Variants in THSD4 observed in about 807,000 individuals in gnomAD.
THSD4 encodes the protein thrombospondin type-1 domain-containing protein 4.
Under a neutral mutation model 119.0 loss-of-function variants are expected in THSD4, and 69 were observed. The observed-to-expected ratio is 0.58, with a 90% confidence interval of 0.48 to 0.71. The LOEUF is 0.71. THSD4 is among the 30% of genes least tolerant of loss of function. The probability of loss-of-function intolerance (pLI) is 0.00; values close to 1 mark genes in which losing one functional copy is unlikely to be tolerated. For missense variants in THSD4, 1,393 were observed against 1,391.1 expected (o/e 1.00, Z -0.02); for synonymous variants, 524 against 540.4 (o/e 0.97, Z 0.42).
chr15:71,777,378 T>A lies in THSD4; in HGVS notation c.*4T>A. ...GGGCTTCCTGGGGAGCAGATAACAC[T>A]CCTGCACCCCCATCAGTAGGGCAGC... is the stretch of plus-strand genomic sequence containing the variant. On this transcript the variant is annotated 3_prime_UTR_variant, in exon 18 of 18. Transcript: ENST00000261862. 13 of 1,612,722 alleles carry A rather than the reference T, an allele frequency of 8.1e-6. No individual in the cohort carries two copies. Among genetic ancestry groups the A allele is most frequent in the Non-Finnish European group, 1.1e-5 (13 of 1,179,682 alleles).
chr15:71,199,636 GGT>G (rs2043760884), intron 3 of THSD4, among the ~76,000 whole-genome samples: 4 of 140,416 alleles, frequency 2.8e-5, no homozygotes, highest in Admixed American at 7.0e-5. Flanking sequence ...TGGTGTGTGT[GGT>G]GTGTGTGTGG....
rs1459779519 is a variant in THSD4, at chr15:71,768,619, C to T, written c.2770-2445C>T. On this transcript the variant is annotated intron_variant, in intron 16 of 17. Transcript: ENST00000261862. Reference sequence around the variant, plus strand: ...TCTCACTCTTGCCCAGGCTGGAATGCAGTAGCACCATCTCGGCTCACTGCA... The same window carrying T: ...TCTCACTCTTGCCCAGGCTGGAATGTAGTAGCACCATCTCGGCTCACTGCA... Among the ~76,000 whole-genome samples the T allele has an allele frequency of 6.9e-5, 9 of 129,954 alleles. No homozygotes were observed. In the Admixed American group the frequency reaches 9.0e-4, roughly 13 times the overall value. The allele number at this position is 129,954 out of a possible 152,430, so 85.3% of individuals were successfully genotyped here. A position where few individuals can be genotyped will look rare whatever the true frequency, so the allele number is the denominator to read the frequency against.
intron 7 of THSD4, among the ~76,000 whole-genome samples, chr15:71,417,450 T>C (rs1274574190): frequency 9.2e-6 from 1 of 108,744 alleles, no homozygotes; most frequent in African/African-American, 3.1e-5. Flanking sequence ...TTCTTCTGCA[T>C]ATGGATTTCC....
chr15:71,657,656 C>G (rs968312139), intron 7 of THSD4, among the ~76,000 whole-genome samples: 3 of 152,160 alleles, frequency 2.0e-5, no homozygotes, highest in Non-Finnish European at 4.4e-5. Context: ...GATCATGGCT[C>G]CCGGTAGACA....
At chr15:71,512,664 C>T (rs1229860327) in intron 7 of THSD4, among the ~76,000 whole-genome samples, 3 of 152,132 alleles carry the variant, frequency 2.0e-5, no homozygotes, top group Non-Finnish European at 4.4e-5. Context: ...GGCTTAATCT[C>T]GCCGCTCAGA....
At chr15:71,331,116 AT>A (rs1255360996) in intron 6 of THSD4, among the ~76,000 whole-genome samples, 6 of 152,058 alleles carry the variant, frequency 3.9e-5, no homozygotes, top group Non-Finnish European at 2.9e-5. Flanking sequence ...TGCTGCAGCC[AT>A]TTGGACAGTG....
intron 7 of THSD4, among the ~76,000 whole-genome samples, chr15:71,483,392 T>G (rs1191767920): frequency 6.6e-6 from 1 of 152,174 alleles, no homozygotes; most frequent in Non-Finnish European, 1.5e-5. Context: ...TATAAGTTTC[T>G]CCTATCAAGG....
intron 7 of THSD4, among the ~76,000 whole-genome samples, chr15:71,634,740 C>G (rs1253502993): frequency 6.6e-6 from 1 of 152,194 alleles, no homozygotes; most frequent in Non-Finnish European, 1.5e-5. Flanking sequence ...GGGAGATATG[C>G]TGCTCCACGG....
intron 7 of THSD4, among the ~76,000 whole-genome samples, chr15:71,649,825 G>C (rs1595827221): frequency 6.6e-6 from 1 of 152,158 alleles, no homozygotes; most frequent in South Asian, 2.1e-4. Context: ...CATATGGCTA[G>C]CCAGTTATGG....
At chr15:71,107,140 C>T (rs895737266) in intron 1 of THSD4, among the ~76,000 whole-genome samples, 1 of 152,178 alleles carries the variant, frequency 6.6e-6, no homozygotes, top group Non-Finnish European at 1.5e-5. Context: ...ACTCTAAAAC[C>T]AATGTGCCTT....
At chr15:71,111,785 A>T (rs1567128284), upstream of THSD4, 2 of 519,286 alleles carry the variant, frequency 3.9e-6, no homozygotes, top group East Asian at 6.3e-5. Flanking sequence ...TCCTGCTGGG[A>T]CACAATTCTC....
chr15:71,120,228 C>T (rs1470277304), intron 1 of THSD4, among the ~76,000 whole-genome samples: 1 of 152,196 alleles, frequency 6.6e-6, no homozygotes, highest in Non-Finnish European at 1.5e-5. Context: ...CCTGCTCGCC[C>T]CACTCCCCTT....
chr15:71,570,413 CTT>C (rs68026894), intron 7 of THSD4, among the ~76,000 whole-genome samples: 8 of 148,754 alleles, frequency 5.4e-5, no homozygotes, highest in Admixed American at 6.7e-5. Flanking sequence ...CTTTTTTTTT[CTT>C]TTTTTTTTTG....
intron 7 of THSD4, among the ~76,000 whole-genome samples, chr15:71,506,309 C>G (rs79327686): frequency 7.9e-5 from 12 of 152,124 alleles, no homozygotes; most frequent in African/African-American, 2.7e-4. Flanking sequence ...ATGCATTACC[C>G]GTCAGGATGA....
At chr15:71,255,049 A>C (rs2044299232) in intron 5 of THSD4, among the ~76,000 whole-genome samples, 1 of 152,158 alleles carries the variant, frequency 6.6e-6, no homozygotes, top group African/African-American at 2.4e-5. Flanking sequence ...ACCTGTTTTC[A>C]GTCCTTCTTC....
chr15:71,181,342 C>T (rs1020818304), intron 3 of THSD4, among the ~76,000 whole-genome samples: 1 of 152,198 alleles, frequency 6.6e-6, no homozygotes, highest in African/African-American at 2.4e-5. Context: ...GATTCAAAGT[C>T]AACAGCAGAA....
At chr15:71,347,093 C>T (rs977738844) in intron 6 of THSD4, among the ~76,000 whole-genome samples, 3 of 151,916 alleles carry the variant, frequency 2.0e-5, no homozygotes, top group Non-Finnish European at 2.9e-5. Flanking sequence ...AGGCTGGTCT[C>T]GAACTCCCGA....
intron 6 of THSD4, among the ~76,000 whole-genome samples, chr15:71,303,572 T>C (rs2044981622): frequency 6.6e-6 from 1 of 152,214 alleles, no homozygotes. Context: ...CAGAAGTTGA[T>C]ATTTGGGTCT....
At chr15:71,280,614 C>G (rs2044640185) in intron 6 of THSD4, among the ~76,000 whole-genome samples, 1 of 137,660 alleles carries the variant, frequency 7.3e-6, no homozygotes, top group Non-Finnish European at 1.5e-5. Flanking sequence ...CTCCCTCCCT[C>G]TCTCTCTCAT....
Sources: allele counts gnomAD v4.1 joint callset (sites outside exome capture counted in the v4.1 genomes callset), GRCh38; gene constraint gnomAD v4.1.1; transcripts MANE v1.5; gene names NCBI Gene and HGNC (gene_info 2026-07-23, HGNC 2026-07-21).